Variants in SACS observed in about 807,000 individuals in gnomAD.
SACS encodes the protein sacsin.
SACS carries 197 observed loss-of-function variants against 348.0 expected under a neutral mutation model. The observed-to-expected ratio is 0.57, with a 90% CI of 0.50 to 0.64. The LOEUF is 0.64. Ranked by LOEUF, SACS falls within the 30% of genes least tolerant of loss-of-function variation. The probability of loss-of-function intolerance (pLI) is 0.00; values close to 1 mark genes in which losing one functional copy is unlikely to be tolerated. For synonymous variants in SACS, 1,985 were observed against 1,910.6 expected (o/e 1.04, Z -1.02); for missense variants, 4,999 against 5,360.8 (o/e 0.93, Z 2.11).
chr13:23,347,653 G>A (rs985324989), intron 9 of SACS, among the ~76,000 whole-genome samples: 2 of 152,152 alleles, frequency 1.3e-5, no homozygotes, highest in Non-Finnish European at 2.9e-5. Flanking sequence ...CAGTCTAATG[G>A]AGAAGGCAAG....
chr13:23,406,201 T>TA (rs1462990391), intron 2 of SACS, among the ~76,000 whole-genome samples: 12 of 152,120 alleles, frequency 7.9e-5, no homozygotes, highest in Non-Finnish European at 1.8e-4. Flanking sequence ...TATGCAGCCA[T>TA]AAAAAGGATG....
chr13:23,368,634 T>C, intron 4 of SACS, 147 bp from the exon 5 acceptor site: 1 of 651,068 alleles, frequency 1.5e-6, no homozygotes, highest in Non-Finnish European at 2.8e-6. Context: ...GAAATCTACC[T>C]GACGAAGCAA....
Position 23,340,234 on chromosome 13 carries a change from C to T in SACS, c.3642G>A (p.Gly1214=). The T allele has an allele frequency of 6.2e-7, 1 of 1,610,476 alleles. No homozygotes were observed. The highest frequency in any genetic ancestry group is 1.1e-5 in the South Asian group (1 of 90,650). Residue 1214 remains glycine (G), a synonymous_variant, in exon 10 of 10, where the codon GGG becomes GGA. Transcript: ENST00000382292. ...CACTAAGGCTAGGTTTTGTGAAGAT[C>T]CCTAATGCTTTTTCCAGGTTTACAT... ...SIHVNLEKAL[G]IFTKPSLSAV...
chr13:23,430,359 C>T (rs1874386242), intron 1 of SACS, among the ~76,000 whole-genome samples: 1 of 151,312 alleles, frequency 6.6e-6, no homozygotes, highest in Non-Finnish European at 1.5e-5. Context: ...TCAAGTAAAG[C>T]TCTGTTTATA....
In SACS at chr13:23,346,795, C is replaced by T. The variant is rs1026559694; in HGVS notation, c.2186-5105G>A. The T allele has an allele frequency of 6.1e-6, 6 of 980,728 alleles. No homozygotes were observed. The African/African-American group carries it at 1.1e-4, about 17-fold the overall frequency. The allele number at this position is 980,728 out of a possible 1,614,324, so 60.8% of individuals were successfully genotyped here. A position where few individuals can be genotyped will look rare whatever the true frequency, so the allele number is the denominator to read the frequency against. On this transcript the variant is annotated intron_variant, in intron 9 of 9. Coordinates refer to ENST00000382292, the MANE Select transcript of SACS (RefSeq NM_014363.6). The stretch of plus-strand genomic sequence containing the variant: ...AACATCAGGCTTCAAATGAACACAA[C>T]ATTCAGTTATCCTACCTGAATATCC...
At position 23,338,143 on chromosome 13, in the gene SACS, C is replaced by A; in HGVS notation, c.5733G>T (p.Thr1911=). 6.2e-7 allele frequency: 1 copy of A among 1,614,108 alleles called. No individual in the cohort carries two copies. Among genetic ancestry groups the A allele is most frequent in the Non-Finnish European group, 8.5e-7 (1 of 1,179,982 alleles). The change falls in exon 10 of 10, where the codon ACG becomes ACT. Residue 1911 remains threonine (T), a synonymous_variant. Coordinates refer to ENST00000382292, the MANE Select transcript of SACS (RefSeq NM_014363.6). The part of the protein sequence containing the change: ...KTDTKGRWNT[T]FMRHVIVKAY... ...CTTTCACAATAACATGTCTCATGAA[C>A]GTGGTATTCCATCGTCCTTTTGTAT...
intron 1 of SACS, among the ~76,000 whole-genome samples, chr13:23,415,332 C>T (rs1364626791): frequency 6.6e-6 from 1 of 152,126 alleles, no homozygotes; most frequent in Middle Eastern, 3.2e-3. Flanking sequence ...TGCACCCAGC[C>T]CAGTCTTTTA....
intron 2 of SACS, among the ~76,000 whole-genome samples, chr13:23,394,307 T>C (rs1402085498): frequency 1.3e-5 from 2 of 152,172 alleles, no homozygotes. Flanking sequence ...CCCCTACCTT[T>C]AATATCTGAT....
Position 23,329,134 on chromosome 13 carries a change from T to C in SACS, c.*1002A>G, listed in dbSNP as rs1363965786. Reference sequence around the variant, plus strand: ...ATGAATTAAATGTCAGTTCTGATCATTCATGGGGAAATATAAGCCGATAAT... The same window carrying C: ...ATGAATTAAATGTCAGTTCTGATCACTCATGGGGAAATATAAGCCGATAAT... On this transcript the variant is annotated 3_prime_UTR_variant, in exon 10 of 10. Coordinates refer to ENST00000382292, the MANE Select transcript of SACS (RefSeq NM_014363.6). 1 of 323,196 alleles carries C rather than the reference T, an allele frequency of 3.1e-6. No individual in the cohort carries two copies. Among genetic ancestry groups the C allele is most frequent in the Non-Finnish European group, 5.5e-6 (1 of 180,448 alleles). 20.0% of individuals were successfully genotyped at this position (323,196 alleles called of 1,614,324 possible).
rs1566054944 is a variant in SACS, at chr13:23,330,704, TTGTC to T, written c.13168_13171del (p.Asp4390AsnfsTer61). 1.2e-6 allele frequency: 2 copies of T among 1,614,136 alleles called. No homozygotes were observed. The highest frequency in any genetic ancestry group is 1.7e-6 in the Non-Finnish European group (2 of 1,179,970). On this transcript the variant is annotated frameshift_variant, in exon 10 of 10. Coordinates refer to ENST00000382292, the MANE Select transcript of SACS (RefSeq NM_014363.6). LOFTEE classifies it high-confidence loss of function. ...AGTATAGAATCTCTGAAATGAGTAT[TTGTC>T]TGACTGAAATCGGGATGCTGAGGTT...
At chr13:23,409,365 T>G (rs188118991) in intron 2 of SACS, among the ~76,000 whole-genome samples, 4,359 of 142,258 alleles carry the variant, frequency 0.031, 94 homozygotes, top group Middle Eastern at 0.055. Flanking sequence ...TTTTTTTTTT[T>G]TTTTTTTTTA....
intron 6 of SACS, among the ~76,000 whole-genome samples, chr13:23,361,910 G>A (rs1341731099): frequency 6.6e-6 from 1 of 152,158 alleles, no homozygotes; most frequent in Non-Finnish European, 1.5e-5. Context: ...AAGAAAGAAA[G>A]AGATGACCCA....
intron 1 of SACS, among the ~76,000 whole-genome samples, chr13:23,419,823 G>C (rs1873849686): frequency 6.6e-6 from 1 of 152,110 alleles, no homozygotes; most frequent in Admixed American, 6.6e-5. Flanking sequence ...TATATTCTTT[G>C]GGGAGGTGAT....
At chr13:23,379,041 T>G (rs1413108480) in intron 2 of SACS, among the ~76,000 whole-genome samples, 1 of 152,238 alleles carries the variant, frequency 6.6e-6, no homozygotes, top group Admixed American at 6.5e-5. Context: ...ATATCCCTTC[T>G]GCTTTTCCTT....
Position 23,413,230 on chromosome 13 carries a change from A to T in SACS, c.-501-1490T>A, listed in dbSNP as rs945618771. ...CAATCTCAGGTGATGCGCCTGCCCTAGCCTCCCAAAGTGCTGGGATTACAG... is the reference window on the plus strand; with the variant it reads ...CAATCTCAGGTGATGCGCCTGCCCTTGCCTCCCAAAGTGCTGGGATTACAG... On this transcript the variant is annotated intron_variant, in intron 1 of 9. Transcript: ENST00000382292. Among the ~76,000 whole-genome samples the T allele has an allele frequency of 4.6e-5, 7 of 152,222 alleles. 1 individual carries two copies. In the South Asian group the frequency reaches 1.5e-3, roughly 32 times the overall value.
In SACS at chr13:23,332,015, T is replaced by G. The variant is rs1159256250; in HGVS notation, c.11861A>C (p.Asp3954Ala). 6.2e-7 allele frequency: 1 copy of G among 1,614,110 alleles called. No homozygotes were observed. Among genetic ancestry groups the G allele is most frequent in the Non-Finnish European group, 8.5e-7 (1 of 1,179,970 alleles). ...TATCAACTTAGTGTGAAATCCATGG[T>G]CTTTCCCTAAGTAGCACTGGCTGAG... ...VDLSQCYLGK[D>A]HGFHTKLIML... Residue 3954 changes from aspartate (D) to alanine (A), a missense_variant, in exon 10 of 10, where the codon GAC becomes GCC. Physicochemically the swap from Asp to Ala is moderately radical, Grantham distance 126 (BLOSUM62 -2). This residue lies in a region of SACS where 831 missense variants were observed against 941.8 expected (regional missense o/e 0.88). Transcript: ENST00000382292.
At chr13:23,407,904 G>A (rs1020232235) in intron 2 of SACS, among the ~76,000 whole-genome samples, 5 of 152,070 alleles carry the variant, frequency 3.3e-5, no homozygotes, top group Non-Finnish European at 5.9e-5. Flanking sequence ...ATTGTTTCAA[G>A]TCAGTTCAGC....
intron 9 of SACS, among the ~76,000 whole-genome samples, chr13:23,347,142 T>TTTATC (rs1216432064): frequency 2.0e-5 from 3 of 152,220 alleles, no homozygotes; most frequent in Non-Finnish European, 4.4e-5. Context: ...ATAACGTCAT[T>TTTATC]TGATAAGCTA....
At chr13:23,375,082 G>A (rs767208475) in intron 3 of SACS, 37 bp downstream of exon 3, 1 of 1,444,884 alleles carries the variant, frequency 6.9e-7, no homozygotes, top group South Asian at 1.4e-5. Context: ...TCCTCCGCGT[G>A]GCGGAGCCCA....
Sources: gnomAD v4.1 joint callset for allele counts (sites outside exome capture counted in the v4.1 genomes callset) on GRCh38, gnomAD v4.1.1 for gene constraint, gnomAD v4.1.1 regional missense constraint, MANE v1.5 for transcripts, NCBI Gene and HGNC (gene_info 2026-07-23, HGNC 2026-07-21) for gene names.